The following PALM2AKAP2 variants were observed in gnomAD, a reference collection of about 807,000 sequenced individuals.
The protein encoded by PALM2AKAP2 is PALM2 and AKAP2 fusion.
Under a neutral mutation model 71.5 loss-of-function variants are expected in PALM2AKAP2, and 37 were observed. The observed-to-expected ratio is 0.52, with a 90% CI of 0.40 to 0.68. The LOEUF (loss-of-function observed/expected upper bound fraction) is 0.68, where lower values mean the gene tolerates loss of function less well. Ranked by LOEUF, PALM2AKAP2 falls within the 30% of genes least tolerant of loss-of-function variation. PALM2AKAP2 has a pLI of 0.00. For missense variants in PALM2AKAP2, 1,224 were observed against 1,191.8 expected (o/e 1.03, Z -0.40); for synonymous variants, 468 against 478.8 (o/e 0.98, Z 0.29).
intron 1 of PALM2AKAP2, among the ~76,000 whole-genome samples, chr9:109,827,113 T>C (rs571868686): frequency 9.2e-5 from 14 of 152,276 alleles, no homozygotes; most frequent in African/African-American, 3.4e-4. Flanking sequence ...TCTAATTAGT[T>C]CTGCTAAAAA....
intron 1 of PALM2AKAP2, among the ~76,000 whole-genome samples, chr9:109,806,319 GATAA>G (rs1179471281): frequency 6.6e-6 from 1 of 152,166 alleles, no homozygotes; most frequent in Non-Finnish European, 1.5e-5. Context: ...AGTCATGTGT[GATAA>G]ATAAACATGC....
At chr9:109,909,542 T>C (rs1350294604) in intron 3 of PALM2AKAP2, among the ~76,000 whole-genome samples, 1 of 152,060 alleles carries the variant, frequency 6.6e-6, no homozygotes, top group Non-Finnish European at 1.5e-5. Context: ...CAAAGGAAGA[T>C]GAAAAAGTGA....
At chr9:109,948,081 CA>C (rs1831551976) in intron 6 of PALM2AKAP2, among the ~76,000 whole-genome samples, 1 of 152,188 alleles carries the variant, frequency 6.6e-6, no homozygotes, top group East Asian at 1.9e-4. Flanking sequence ...GTTCACTTCA[CA>C]AAGGCCTTCT....
chr9:110,135,772 G>A (rs887188177), intron 1 of PALM2AKAP2, among the ~76,000 whole-genome samples: 2 of 152,152 alleles, frequency 1.3e-5, no homozygotes, highest in African/African-American at 4.8e-5. Flanking sequence ...CATACAAAAG[G>A]ACCTTCTTTT....
chr9:110,059,414 C>G (rs1657393923), intron 1 of PALM2AKAP2, among the ~76,000 whole-genome samples: 1 of 152,112 alleles, frequency 6.6e-6, no homozygotes, highest in African/African-American at 2.4e-5. Context: ...GTTGTTGGTA[C>G]TAGAATAGTC....
intron 6 of PALM2AKAP2, among the ~76,000 whole-genome samples, chr9:109,974,128 C>G (rs62580186): frequency 0.12 from 18,117 of 152,202 alleles, 1,423 homozygotes; most frequent in African/African-American, 0.21. Context: ...CAACCAGACT[C>G]AGAGCATAAG....
intron 1 of PALM2AKAP2, among the ~76,000 whole-genome samples, chr9:109,758,786 G>A (rs1384175359): frequency 1.3e-5 from 2 of 151,996 alleles, no homozygotes; most frequent in African/African-American, 4.8e-5. Flanking sequence ...AAAGGGTGGG[G>A]ATCAGATTCT....
chr9:110,122,412 A>C (rs140979655), intron 1 of PALM2AKAP2, among the ~76,000 whole-genome samples: 1 of 152,188 alleles, frequency 6.6e-6, no homozygotes, highest in South Asian at 2.1e-4. Context: ...TGCGGCTTCT[A>C]TGAGCACTGC....
At chr9:109,858,044 A>G (rs1243910665) in intron 1 of PALM2AKAP2, among the ~76,000 whole-genome samples, 1 of 152,234 alleles carries the variant, frequency 6.6e-6, no homozygotes, top group Non-Finnish European at 1.5e-5. Context: ...ACCTTCATTT[A>G]TTAAGTCCCT....
intron 1 of PALM2AKAP2, among the ~76,000 whole-genome samples, chr9:110,109,344 G>GAAAA (rs1564309879): frequency 5.4e-5 from 6 of 110,460 alleles, no homozygotes; most frequent in South Asian, 3.2e-4. Context: ...AAACCAGAAA[G>GAAAA]AAAGAAACAT....
intron 1 of PALM2AKAP2, among the ~76,000 whole-genome samples, chr9:109,786,302 C>G (rs1298683228): frequency 6.6e-6 from 1 of 152,190 alleles, no homozygotes; most frequent in South Asian, 2.1e-4. Flanking sequence ...TCCAGCTTCC[C>G]AAGGATCCCT....
chr9:109,717,125 T>C (rs1828336721), intron 1 of PALM2AKAP2, among the ~76,000 whole-genome samples: 1 of 152,136 alleles, frequency 6.6e-6, no homozygotes, highest in Non-Finnish European at 1.5e-5. Flanking sequence ...TCATAACTCT[T>C]GACCCAGTAG....
At chr9:110,035,992 A>G (rs1274597126) in intron 7 of PALM2AKAP2, among the ~76,000 whole-genome samples, 2 of 151,922 alleles carry the variant, frequency 1.3e-5, no homozygotes, top group Non-Finnish European at 2.9e-5. Flanking sequence ...CCCAGGCTCA[A>G]GTGCAGTGGC....
At chr9:109,874,907 G>A (rs1253598521) in intron 2 of PALM2AKAP2, among the ~76,000 whole-genome samples, 1 of 152,070 alleles carries the variant, frequency 6.6e-6, no homozygotes, top group African/African-American at 2.4e-5. Context: ...TGATTCTTCT[G>A]TCTCTCTTCT....
At chr9:110,070,558 AG>A (rs1834180514) in intron 1 of PALM2AKAP2, among the ~76,000 whole-genome samples, 1 of 152,210 alleles carries the variant, frequency 6.6e-6, no homozygotes. Context: ...GACTGAGAAA[AG>A]TATAAGTTGG....
intron 7 of PALM2AKAP2, among the ~76,000 whole-genome samples, chr9:110,035,648 A>G (rs1166296218): frequency 3.1e-5 from 4 of 127,180 alleles, no homozygotes; most frequent in African/African-American, 9.2e-5. Flanking sequence ...TGTGTTATAT[A>G]TAACATATAT....
chr9:110,082,427 A>G (rs1425867694), intron 1 of PALM2AKAP2, among the ~76,000 whole-genome samples: 1 of 152,212 alleles, frequency 6.6e-6, no homozygotes, highest in Admixed American at 6.5e-5. Flanking sequence ...GATATGGTAT[A>G]AAAATCACCC....
chr9:109,705,439 T>G (rs1226142254), intron 1 of PALM2AKAP2, among the ~76,000 whole-genome samples: 1 of 152,184 alleles, frequency 6.6e-6, no homozygotes, highest in Non-Finnish European at 1.5e-5. Flanking sequence ...CCTGGCACCA[T>G]CGCTACTATG....
At chr9:109,994,575 C>CG (rs1832540291) in intron 6 of PALM2AKAP2, among the ~76,000 whole-genome samples, 2 of 152,292 alleles carry the variant, frequency 1.3e-5, no homozygotes, top group South Asian at 4.1e-4. Context: ...AACCAACCCC[C>CG]TCACCCCACT....
Sources: allele counts gnomAD v4.1 joint callset (sites outside exome capture counted in the v4.1 genomes callset), GRCh38; gene constraint gnomAD v4.1.1; transcripts MANE v1.5; gene names NCBI Gene and HGNC (gene_info 2026-07-23, HGNC 2026-07-21).